The following PRR5 variants were observed in gnomAD, a reference collection of about 807,000 sequenced individuals.
The protein encoded by PRR5 is proline-rich protein 5.
Under a neutral mutation model 30.6 loss-of-function variants are expected in PRR5, and 25 were observed. That is an observed-to-expected ratio of 0.82 (90% confidence interval 0.60 to 1.14). The LOEUF (loss-of-function observed/expected upper bound fraction) is 1.14. Among genes scored for constraint, PRR5 ranks in the 50% most tolerant of loss-of-function variants. The probability of loss-of-function intolerance (pLI) is 0.00; values close to 1 mark genes in which losing one functional copy is unlikely to be tolerated. For missense variants in PRR5, 600 were observed against 547.1 expected (o/e 1.10, Z -0.96); for synonymous variants, 286 against 247.1 (o/e 1.16, Z -1.48).
chr22:44,732,804 G>A (rs534582270), intron 6 of PRR5, among the ~76,000 whole-genome samples: 30 of 136,406 alleles, frequency 2.2e-4, no homozygotes, highest in African/African-American at 5.7e-4. Flanking sequence ...ATGTGCACAC[G>A]CATACACACT....
chr22:44,690,580 C>G (rs1340199873), intron 1 of PRR5, among the ~76,000 whole-genome samples: 1 of 152,168 alleles, frequency 6.6e-6, no homozygotes, highest in Non-Finnish European at 1.5e-5. Flanking sequence ...TGAGGATTCT[C>G]ATTTCACAGA....
rs758576173 is a variant in PRR5 at position 44,737,018 on chromosome 22, C to T, written c.938C>T (p.Pro313Leu). Residue 313 changes from proline (P) to leucine (L), a missense_variant, in exon 8 of 8, where the codon CCC becomes CTC. Pro to Leu is a moderately conservative substitution (Grantham distance 98). Coordinates refer to ENST00000336985, the MANE Select transcript of PRR5 (RefSeq NM_181333.4). ...GGGACCTTCAGGTCCTCCCCGGCGC[C>T]CCACTCAGGGCCCTGCCCCAGCAGA... is the stretch of plus-strand genomic sequence containing the variant. ...PTGTFRSSPAPHSGPCPSRLY... is the reference protein window; with the variant it reads ...PTGTFRSSPALHSGPCPSRLY... The T allele has an allele frequency of 6.2e-7, 1 of 1,601,000 alleles. No individual in the cohort carries two copies. Among genetic ancestry groups the T allele is most frequent in the Non-Finnish European group, 8.5e-7 (1 of 1,173,508 alleles).
chr22:44,731,770 C>T lies in PRR5; in HGVS notation c.363C>T (p.Phe121=), dbSNP rs1245922147. 1.9e-6 allele frequency: 3 copies of T among 1,613,684 alleles called. No individual in the cohort carries two copies. The highest frequency in any genetic ancestry group is 2.5e-6 in the Non-Finnish European group (3 of 1,180,020). Residue 121 remains phenylalanine, a synonymous_variant, in exon 5 of 8, where the codon TTC becomes TTT. Transcript: ENST00000336985. ...ACTCACTGGCAGAGACCTGGGACTTCTTCTTCAGTGACGTGCTGCCCATGC... is the reference window on the plus strand; with the variant it reads ...ACTCACTGGCAGAGACCTGGGACTTTTTCTTCAGTGACGTGCTGCCCATGC... ...LLDSLAETWD[F]FFSDVLPMLQ... is the part of the protein sequence containing the mutation.
intron 1 of PRR5, among the ~76,000 whole-genome samples, chr22:44,706,246 C>CATTG (rs202019365): frequency 2.0e-5 from 3 of 152,200 alleles, no homozygotes; most frequent in African/African-American, 4.8e-5. Flanking sequence ...AGAACTGAGT[C>CATTG]ATTGATTGAT....
intron 1 of PRR5, among the ~76,000 whole-genome samples, chr22:44,708,969 A>G (rs1463837330): frequency 2.4e-5 from 2 of 84,764 alleles, no homozygotes; most frequent in Non-Finnish European, 4.2e-5. Context: ...TCTGTCTCAA[A>G]AAAAAAAAAA....
rs191362425 is a variant in PRR5 at position 44,687,070 on chromosome 22, G to A, written c.-11+9830G>A. 5.4e-3 allele frequency among the ~76,000 whole-genome samples: 822 copies of A among 152,284 alleles called. 4 individuals are homozygous for A. The highest frequency in any genetic ancestry group is 8.6e-3 in the Non-Finnish European group (584 of 68,028). ...TCTGTTTCTGTGTGTTGTGTAATTT[G>A]GGATCATGAGTTTATCTCCAGCAAG... On this transcript the variant is annotated intron_variant, in intron 1 of 8. Coordinates refer to the PRR5 transcript ENST00000006251.
At chr22:44,710,087 G>C (rs1028708084) in intron 1 of PRR5, among the ~76,000 whole-genome samples, 14 of 152,158 alleles carry the variant, frequency 9.2e-5, no homozygotes, top group African/African-American at 3.4e-4. Flanking sequence ...TGTGAGGCGG[G>C]TAGGCAAGCA....
At chr22:44,715,392 C>T (rs1928901997) in intron 2 of PRR5, among the ~76,000 whole-genome samples, 1 of 152,212 alleles carries the variant, frequency 6.6e-6, no homozygotes, top group African/African-American at 2.4e-5. Flanking sequence ...GTAACCCTTC[C>T]CCTTGTTATT....
intron 4 of PRR5, among the ~76,000 whole-genome samples, chr22:44,728,408 G>C (rs1157193099): frequency 6.6e-6 from 1 of 152,210 alleles, no homozygotes; most frequent in South Asian, 2.1e-4. Context: ...CCCAGAGATG[G>C]AGGAGAACCT....
intron 4 of PRR5, chr22:44,729,957 G>A (rs1921638987): frequency 5.1e-6 from 5 of 985,472 alleles, no homozygotes; most frequent in African/African-American, 3.5e-5. Context: ...CGGCGGGGCG[G>A]TGAGCATCCA....
upstream of PRR5, chr22:44,676,963 C>G (rs1022568167): frequency 2.0e-5 from 3 of 152,302 alleles, no homozygotes; most frequent in African/African-American, 7.2e-5. Context: ...CTGAGTTCTG[C>G]TGAGTCATGG....
intron 1 of PRR5, among the ~76,000 whole-genome samples, chr22:44,714,173 G>A (rs936862192): frequency 2.1e-4 from 32 of 152,334 alleles, no homozygotes; most frequent in African/African-American, 7.2e-4. Context: ...GGCTAGGGAC[G>A]CAGTGATGAT....
At chr22:44,708,391 G>A (rs1462923104) in intron 1 of PRR5, among the ~76,000 whole-genome samples, 1 of 152,106 alleles carries the variant, frequency 6.6e-6, no homozygotes, top group African/African-American at 2.4e-5. Flanking sequence ...GCAAGAGCTG[G>A]CTTCCATAGC....
intron 1 of PRR5, among the ~76,000 whole-genome samples, chr22:44,688,638 G>A (rs1391731286): frequency 4.6e-5 from 7 of 152,150 alleles, no homozygotes; most frequent in Admixed American, 3.3e-4. Flanking sequence ...GTGTAACTGC[G>A]TACTTCAAGC....
chr22:44,732,368 G>A lies in PRR5; in HGVS notation c.532G>A (p.Val178Met), dbSNP rs750365905. Residue 178 changes from valine to methionine, a missense_variant, in exon 6 of 8, where the codon GTG becomes ATG. Transcript: ENST00000336985. ...CCATGCCCGTGTGCCCCCTGCCATCGTGCAGATGCTGCTGGTGCTGCAGGT... is the reference window on the plus strand; with the variant it reads ...CCATGCCCGTGTGCCCCCTGCCATCATGCAGATGCTGCTGGTGCTGCAGGT... ...RAHARVPPAI[V>M]QMLLVLQGVH... The A allele has an allele frequency of 4.0e-5, 65 of 1,610,298 alleles. No individual in the cohort carries two copies. Among genetic ancestry groups the A allele is most frequent in the Non-Finnish European group, 4.9e-5 (58 of 1,179,386 alleles).
intron 1 of PRR5, 100 bp downstream of exon 1, chr22:44,702,708 GC>G: frequency 8.2e-7 from 1 of 1,222,284 alleles, no homozygotes; most frequent in Non-Finnish European, 1.0e-6. Context: ...CAGGAACGCT[GC>G]CGAAGGCGGC....
chr22:44,728,127 GGGT>G (rs1489406690), intron 4 of PRR5, among the ~76,000 whole-genome samples: 1 of 152,280 alleles, frequency 6.6e-6, no homozygotes, highest in East Asian at 1.9e-4. Context: ...CTCCCAGCAG[GGGT>G]GCCTGCCCAG....
chr22:44,686,623 C>T (rs953105719), intron 1 of PRR5, among the ~76,000 whole-genome samples: 1 of 152,218 alleles, frequency 6.6e-6, no homozygotes, highest in African/African-American at 2.4e-5. Context: ...TCAAGCGATT[C>T]TCCTGCCTCA....
chr22:44,716,396 T>C (rs12170561), intron 2 of PRR5, among the ~76,000 whole-genome samples: 17,874 of 152,226 alleles, frequency 0.12, 1,872 homozygotes, highest in African/African-American at 0.28. Flanking sequence ...ACACCAAACC[T>C]GTAGTGGCTC....
Sources: allele counts gnomAD v4.1 joint callset (sites outside exome capture counted in the v4.1 genomes callset), GRCh38; gene constraint gnomAD v4.1.1; transcripts MANE v1.5; gene names NCBI Gene and HGNC (gene_info 2026-07-23, HGNC 2026-07-21).